MYH3: variants seen among roughly 807,000 people sequenced by gnomAD.
MYH3 encodes the protein myosin-3.
Under a neutral mutation model 238.0 loss-of-function variants are expected in MYH3, and 130 were observed. That is an observed-to-expected ratio of 0.55 (90% confidence interval 0.47 to 0.63). The LOEUF is 0.63. MYH3 is among the 30% of genes least tolerant of loss of function. The pLI, the probability that MYH3 is intolerant of heterozygous loss-of-function variation, is 0.00. For missense variants in MYH3, 1,853 were observed against 2,374.9 expected (o/e 0.78, Z 4.57); for synonymous variants, 880 against 924.1 (o/e 0.95, Z 0.86).
chr17:10,645,689 G>C lies in MYH3; in HGVS notation c.1141+18C>G. Reference sequence around the variant, plus strand: ...GATCAGCCACCCGCTCTGGTTTGCTGTCACACTGATTTTGTACCTTCTGTG... The same window carrying C: ...GATCAGCCACCCGCTCTGGTTTGCTCTCACACTGATTTTGTACCTTCTGTG... On this transcript the variant is annotated intron_variant, in intron 12 of 40. Coordinates refer to ENST00000583535, the MANE Select transcript of MYH3 (RefSeq NM_002470.4). 1 of 1,611,998 alleles carries C rather than the reference G, an allele frequency of 6.2e-7. No homozygotes were observed. The highest frequency in any genetic ancestry group is 8.5e-7 in the Non-Finnish European group (1 of 1,179,918).
Position 10,652,524 on chromosome 17 carries a change from G to T in MYH3, c.244C>A (p.Pro82Thr). Reference sequence around the variant, plus strand: ...TCTTCGATCCTGTCGAACTTGGGGGGGTTCATGGCGTACACATCCTCTGGT... The same window carrying T: ...TCTTCGATCCTGTCGAACTTGGGGGTGTTCATGGCGTACACATCCTCTGGT... ...VKPEDVYAMN[P>T]PKFDRIEDMA... is the part of the protein sequence containing the mutation. The change falls in exon 4 of 41, where the codon CCC becomes ACC. Residue 82 changes from proline (P) to threonine (T), a missense_variant. Around this residue, in one of 3 missense-constraint regions of MYH3, gnomAD observed 131 missense variants for 123.5 expected, o/e 1.06. Transcript: ENST00000583535. 1.9e-6 allele frequency: 3 copies of T among 1,614,016 alleles called. No individual in the cohort carries two copies. Among genetic ancestry groups the T allele is most frequent in the Non-Finnish European group, 2.5e-6 (3 of 1,180,010 alleles).
intron 8 of MYH3, 93 bp downstream of exon 8, chr17:10,648,464 G>T: frequency 9.6e-7 from 1 of 1,042,200 alleles, no homozygotes; most frequent in Non-Finnish European, 1.5e-6. Flanking sequence ...TTCATCATCT[G>T]TTGCCTCTGG....
intron 13 of MYH3, 34 bp downstream of exon 13, chr17:10,644,550 G>A (rs1399919511): frequency 6.2e-7 from 1 of 1,613,322 alleles, no homozygotes; most frequent in Admixed American, 1.7e-5. Context: ...GGCCAGCAGG[G>A]TCCTGCACCC....
chr17:10,633,044 T>C (rs1427454681), intron 33 of MYH3, among the ~76,000 whole-genome samples: 4 of 152,116 alleles, frequency 2.6e-5, no homozygotes, highest in Non-Finnish European at 4.4e-5. Context: ...AAACCCTGTC[T>C]CTACTAAAAA....
At position 10,645,809 on chromosome 17, in the gene MYH3, T is replaced by C. The variant is rs776654272; in HGVS notation, c.1039A>G (p.Lys347Glu). The change falls in exon 12 of 41, where the codon AAA becomes GAA. Residue 347 changes from lysine (K) to glutamate (E), a missense_variant. Lys to Glu is a moderately conservative substitution (Grantham distance 56). Around this residue, in one of 3 missense-constraint regions of MYH3, gnomAD observed 678 missense variants for 1,058.9 expected, o/e 0.64. Transcript: ENST00000583535. The part of the protein sequence containing the change: ...IDILGFTPEE[K>E]SGLYKLTGAV... ...CCCGTCAGCTTGTAGAGCCCAGATT[T>C]CTCTTCTGGGGTGAAGCCCAGGATG... The C allele has an allele frequency of 6.2e-7, 1 of 1,613,814 alleles. No individual in the cohort carries two copies. Among genetic ancestry groups the C allele is most frequent in the Admixed American group, 1.7e-5 (1 of 59,978 alleles).
At chr17:10,658,031 G>A (rs1034734357), upstream of MYH3, among the ~76,000 whole-genome samples, 5 of 152,136 alleles carry the variant, frequency 3.3e-5, no homozygotes, top group East Asian at 3.9e-4. Flanking sequence ...TCGTATTCCC[G>A]GCGACAGCTG....
Position 10,646,509 on chromosome 17 carries a change from C to T in MYH3, c.899-477G>A, listed in dbSNP as rs534484660. On this transcript the variant is annotated intron_variant, in intron 10 of 40. Transcript: ENST00000583535. ...CATGGAGACCTCTGTGAGGGGCAGA[C>T]AAGGGGCAGTGTGCAGTGCCTCCGT... is the stretch of plus-strand genomic sequence containing the variant. Among the ~76,000 whole-genome samples, 8 of 152,298 alleles carry T rather than the reference C, an allele frequency of 5.3e-5. No individual in the cohort carries two copies. In the South Asian group the frequency reaches 1.7e-3, roughly 32 times the overall value.
the MYH3 span, chr17:10,674,471 A>G: frequency 3.8e-6 from 1 of 264,342 alleles, no homozygotes; most frequent in South Asian, 3.7e-5. Flanking sequence ...GTGATTGAGG[A>G]GAGCTGGAGT....
At chr17:10,651,314 T>C (rs2074372132) in intron 5 of MYH3, among the ~76,000 whole-genome samples, 198 bp downstream of exon 5, 1 of 152,192 alleles carries the variant, frequency 6.6e-6, no homozygotes, top group South Asian at 2.1e-4. Context: ...TATTCTAACT[T>C]GCATTAAATC....
At position 10,635,575 on chromosome 17, in the gene MYH3, A is replaced by T; in HGVS notation, c.3976-12T>A. On this transcript the variant is annotated splice_polypyrimidine_tract_variant and intron_variant, in intron 29 of 40. Coordinates refer to ENST00000583535, the MANE Select transcript of MYH3 (RefSeq NM_002470.4). ...AGGGCGTTCTTGGCCTGCAGAAGTT[A>T]AAAAGAGAAGAGCACCTGATATATT... 1.4e-5 allele frequency: 23 copies of T among 1,614,252 alleles called. No homozygotes were observed. The highest frequency in any genetic ancestry group is 1.9e-5 in the Non-Finnish European group (23 of 1,180,046).
chr17:10,664,658 G>A, the MYH3 span, among the ~76,000 whole-genome samples: 3 of 150,974 alleles, frequency 2.0e-5, no homozygotes, highest in African/African-American at 7.3e-5. Context: ...ATGAGAGTCA[G>A]GTCCAAGACA....
rs200078403 is a variant in MYH3 at position 10,635,566 on chromosome 17, G to A, written c.3976-3C>T. 216 of 1,614,138 alleles carry A rather than the reference G, an allele frequency of 1.3e-4. No individual in the cohort carries two copies. The highest frequency in any genetic ancestry group is 1.7e-4 in the Non-Finnish European group (203 of 1,180,056). On this transcript the variant is annotated splice_polypyrimidine_tract_variant and splice_region_variant and intron_variant, in intron 29 of 40. Transcript: ENST00000583535. ...GCGTGCGCCAGGGCGTTCTTGGCCT[G>A]CAGAAGTTAAAAAGAGAAGAGCACC... is the stretch of plus-strand genomic sequence containing the variant.
chr17:10,660,643 C>G (rs545047227), upstream of MYH3, among the ~76,000 whole-genome samples: 10 of 147,594 alleles, frequency 6.8e-5, no homozygotes, highest in Non-Finnish European at 1.2e-4. Flanking sequence ...TGCCACTGCA[C>G]TCCAGGCTGG....
rs764856972 is a variant in MYH3, at chr17:10,645,692, A to G, written c.1141+15T>C. On this transcript the variant is annotated intron_variant, in intron 12 of 40. Coordinates refer to ENST00000583535, the MANE Select transcript of MYH3 (RefSeq NM_002470.4). Reference sequence around the variant, plus strand: ...CAGCCACCCGCTCTGGTTTGCTGTCACACTGATTTTGTACCTTCTGTGCCA... The same window carrying G: ...CAGCCACCCGCTCTGGTTTGCTGTCGCACTGATTTTGTACCTTCTGTGCCA... 1.2e-6 allele frequency: 2 copies of G among 1,612,098 alleles called. No homozygotes were observed. Among genetic ancestry groups the G allele is most frequent in the Non-Finnish European group, 1.7e-6 (2 of 1,179,920 alleles).
chr17:10,644,248 G>A, intron 14 of MYH3, 103 bp downstream of exon 14: 1 of 1,252,622 alleles, frequency 8.0e-7, no homozygotes, highest in South Asian at 1.2e-5. Context: ...GTTTCTTACA[G>A]GAAACTAAGA....
intron 3 of MYH3, among the ~76,000 whole-genome samples, chr17:10,652,973 C>A (rs1218540232): frequency 6.6e-6 from 1 of 152,010 alleles, no homozygotes; most frequent in Non-Finnish European, 1.5e-5. Context: ...GACTCTTGAG[C>A]CGAGATGGAA....
At chr17:10,669,185 G>C in the MYH3 span, among the ~76,000 whole-genome samples, 1 of 152,068 alleles carries the variant, frequency 6.6e-6, no homozygotes, top group African/African-American at 2.4e-5. Context: ...AGGATTACAG[G>C]ACAAATAATT....
chr17:10,668,024 A>G, the MYH3 span, among the ~76,000 whole-genome samples: 1 of 152,240 alleles, frequency 6.6e-6, no homozygotes, highest in African/African-American at 2.4e-5. Flanking sequence ...ACATAACTAC[A>G]CTTACAAAAG....
the MYH3 span, chr17:10,676,627 CA>C: frequency 1.3e-5 from 2 of 152,170 alleles, no homozygotes; most frequent in Non-Finnish European, 2.9e-5. Context: ...ATACCCACAT[CA>C]ATGTTCTCAT....
Sources: allele counts gnomAD v4.1 joint callset (sites outside exome capture counted in the v4.1 genomes callset), GRCh38; gene constraint gnomAD v4.1.1; regional missense constraint gnomAD v4.1.1; transcripts MANE v1.5; gene names NCBI Gene and HGNC (gene_info 2026-07-23, HGNC 2026-07-21).